Variants in KSR1 observed in about 807,000 individuals in gnomAD.
The protein encoded by KSR1 is kinase suppressor of ras 1.
KSR1 carries 35 observed loss-of-function variants against 92.9 expected under a neutral mutation model. The ratio of observed to expected loss-of-function variants is 0.38; its 90% CI spans 0.29 to 0.50. The LOEUF (loss-of-function observed/expected upper bound fraction) is 0.50, where lower values mean the gene tolerates loss of function less well. KSR1 is among the 20% of genes least tolerant of loss of function. KSR1 has a pLI of 0.94. For synonymous variants in KSR1, 467 were observed against 472.6 expected (o/e 0.99, Z 0.15); for missense variants, 972 against 1,158.5 (o/e 0.84, Z 2.34).
At chr17:27,611,422 G>T in intron 17 of KSR1, 72 bp from the exon 18 acceptor site, 1 of 1,597,460 alleles carries the variant, frequency 6.3e-7, no homozygotes, top group Non-Finnish European at 8.6e-7. Context: ...GCTGGGCTAT[G>T]GCTCAAGGGC....
chr17:27,619,803 C>G (rs1281248018), intron 19 of KSR1, among the ~76,000 whole-genome samples: 1 of 152,116 alleles, frequency 6.6e-6, no homozygotes, highest in Non-Finnish European at 1.5e-5. Flanking sequence ...ACCTCCGCCT[C>G]CCGGGTTCAA....
At chr17:27,474,119 G>C (rs989751002) in intron 1 of KSR1, among the ~76,000 whole-genome samples, 19 of 152,298 alleles carry the variant, frequency 1.2e-4, no homozygotes, top group Middle Eastern at 3.4e-3. Context: ...CTTAGAAGAA[G>C]ACTTAGGCGG....
intron 9 of KSR1, among the ~76,000 whole-genome samples, chr17:27,596,577 C>T (rs1407852761): frequency 6.6e-6 from 1 of 152,220 alleles, no homozygotes; most frequent in East Asian, 1.9e-4. Context: ...AAAGTTCTTT[C>T]TAGCTCCAGA....
At chr17:27,541,227 C>T (rs1252768466) in intron 1 of KSR1, among the ~76,000 whole-genome samples, 1 of 152,132 alleles carries the variant, frequency 6.6e-6, no homozygotes, top group Non-Finnish European at 1.5e-5. Flanking sequence ...GAAGCTGGTC[C>T]ACAACTGCAC....
At chr17:27,472,342 C>T (rs2020060617) in intron 1 of KSR1, among the ~76,000 whole-genome samples, 1 of 152,230 alleles carries the variant, frequency 6.6e-6, no homozygotes. Context: ...GTGTGGACCT[C>T]ATGAGAGTGC....
intron 1 of KSR1, among the ~76,000 whole-genome samples, chr17:27,535,323 C>T (rs532022045): frequency 2.0e-5 from 3 of 152,254 alleles, no homozygotes; most frequent in South Asian, 2.1e-4. Context: ...TGAGGTGCTG[C>T]GACCAAGTAT....
chr17:27,526,042 CTT>C (rs60220711), intron 1 of KSR1, among the ~76,000 whole-genome samples: 6 of 105,372 alleles, frequency 5.7e-5, no homozygotes, highest in Admixed American at 4.2e-4. Flanking sequence ...CTTTTCTTTT[CTT>C]TCTCTCTCTC....
At position 27,456,654 on chromosome 17, in the gene KSR1, C is replaced by T. The variant is rs1309682349; in HGVS notation, c.11C>T (p.Ala4Val). Residue 4 changes from alanine to valine, a missense_variant, in exon 1 of 21, where the codon GCA (alanine) becomes GTA (valine). Transcript: ENST00000644974. MDRAALRAAAMGEK... is the reference protein window; with the variant it reads MDRVALRAAAMGEK... ...CCCCGATGCCGAGGCATGGATAGAG[C>T]AGCGCTGCGCGCGGCGGCGATGGGA... is the stretch of plus-strand genomic sequence containing the variant. The T allele has an allele frequency of 3.2e-6, 2 of 627,314 alleles. No homozygotes were observed. Among genetic ancestry groups the T allele is most frequent in the Middle Eastern group, 4.1e-4 (1 of 2,428 alleles). The allele number at this position is 627,314 out of a possible 1,614,324, so 38.9% of individuals were successfully genotyped here.
Position 27,623,340 on chromosome 17 carries a change from G to T in KSR1, c.2735G>T (p.Arg912Leu), listed in dbSNP as rs768944130. 2 of 765,092 alleles carry T rather than the reference G, an allele frequency of 2.6e-6. No individual in the cohort carries two copies. Among genetic ancestry groups the T allele is most frequent in the Non-Finnish European group, 4.8e-6 (2 of 417,858 alleles). 47.4% of individuals were successfully genotyped at this position (765,092 alleles called of 1,614,324 possible). The change falls in exon 21 of 21, where the codon CGG (arginine) becomes CTG (leucine). Residue 912 changes from arginine (R) to leucine (L), a missense_variant. Physicochemically the swap from Arg to Leu is moderately radical, Grantham distance 102. Coordinates refer to ENST00000644974, the MANE Select transcript of KSR1 (RefSeq NM_001394583.1). ...EYINSSKVVP[R>L]FERFGLGVLE... ...ATTAACAGCAGCAAAGTTGTACCCC[G>T]GTTTGAAAGGTTTGGCTTGGGCGTC...
At chr17:27,516,112 A>G (rs1253896033) in intron 1 of KSR1, among the ~76,000 whole-genome samples, 1 of 152,176 alleles carries the variant, frequency 6.6e-6, no homozygotes, top group Non-Finnish European at 1.5e-5. Flanking sequence ...GACCTATCAC[A>G]TCCAGGAAGT....
At chr17:27,542,939 C>T (rs2948530) in intron 1 of KSR1, among the ~76,000 whole-genome samples, 61,946 of 152,018 alleles carry the variant, frequency 0.41, 13,260 homozygotes, top group African/African-American at 0.53. Flanking sequence ...GGTAGAGCCT[C>T]CTGGCTGCCA....
chr17:27,588,433 G>A lies in KSR1; in HGVS notation c.986-42G>A, dbSNP rs2151184186. 5 of 1,538,950 alleles carry A rather than the reference G, an allele frequency of 3.2e-6. No homozygotes were observed. The East Asian group carries it at 7.3e-5, about 22-fold the overall frequency. On this transcript the variant is annotated intron_variant, in intron 5 of 20. Coordinates refer to ENST00000644974, the MANE Select transcript of KSR1 (RefSeq NM_001394583.1). ...AAGTCATGGGCACGAGCTGTCGCCT[G>A]CGGAGTTCCTCAGCCTGCCCATCCG...
At chr17:27,523,035 G>A (rs959295033) in intron 1 of KSR1, among the ~76,000 whole-genome samples, 1 of 152,214 alleles carries the variant, frequency 6.6e-6, no homozygotes, top group Admixed American at 6.5e-5. Flanking sequence ...CCTGGGGAGT[G>A]TAAATTGGTA....
At chr17:27,545,056 C>G (rs1399805551) in intron 1 of KSR1, among the ~76,000 whole-genome samples, 1 of 152,230 alleles carries the variant, frequency 6.6e-6, no homozygotes, top group African/African-American at 2.4e-5. Flanking sequence ...GTAGCTGGGT[C>G]GTGCTGCACT....
In KSR1 at chr17:27,590,767, C is replaced by T. The variant is rs536418581; in HGVS notation, c.1047-44C>T. On this transcript the variant is annotated intron_variant, in intron 6 of 20. Coordinates refer to ENST00000644974, the MANE Select transcript of KSR1 (RefSeq NM_001394583.1). ...GAAACCTTCTGTGGCTGGGCCTTGG[C>T]CTCCCAGCTGGTGCAAACATGTGCC... The T allele has an allele frequency of 1.6e-5, 25 of 1,561,774 alleles. No individual in the cohort carries two copies. In the African/African-American group the frequency reaches 3.1e-4, roughly 19 times the overall value.
At chr17:27,565,768 A>T (rs527381103) in intron 2 of KSR1, among the ~76,000 whole-genome samples, 17 of 152,366 alleles carry the variant, frequency 1.1e-4, no homozygotes, top group Non-Finnish European at 2.2e-4. Flanking sequence ...TCTAATTATG[A>T]ACATCCATTG....
intron 17 of KSR1, among the ~76,000 whole-genome samples, chr17:27,610,928 G>A (rs1404525066): frequency 6.6e-6 from 1 of 152,152 alleles, no homozygotes; most frequent in South Asian, 2.1e-4. Flanking sequence ...ATTGGACAGT[G>A]TGGGTCTGAT....
chr17:27,549,245 C>T (rs1007590401), intron 1 of KSR1, among the ~76,000 whole-genome samples: 5 of 152,178 alleles, frequency 3.3e-5, no homozygotes, highest in Admixed American at 1.3e-4. Flanking sequence ...TTTGGGGGGA[C>T]ACTTGGAAGT....
chr17:27,504,634 G>A (rs180831874), intron 1 of KSR1, among the ~76,000 whole-genome samples: 13 of 152,304 alleles, frequency 8.5e-5, no homozygotes, highest in African/African-American at 2.4e-4. Flanking sequence ...CCGCAGTCCT[G>A]AGGGACTCCA....
Sources: allele counts gnomAD v4.1 joint callset (sites outside exome capture counted in the v4.1 genomes callset), GRCh38; gene constraint gnomAD v4.1.1; transcripts MANE v1.5; gene names NCBI Gene and HGNC (gene_info 2026-07-23, HGNC 2026-07-21).